The following PLEKHG1 variants were observed in gnomAD, a reference collection of about 807,000 sequenced individuals.
The protein encoded by PLEKHG1 is pleckstrin homology and RhoGEF domain containing G1.
In PLEKHG1, 44 loss-of-function variants were observed where a neutral mutation model predicts 100.8. The ratio of observed to expected loss-of-function variants is 0.44; its 90% CI spans 0.34 to 0.56. The LOEUF is 0.56. Among genes scored for constraint, PLEKHG1 ranks in the 20% least tolerant of loss-of-function variants. The pLI is 0.01. For synonymous variants in PLEKHG1, 640 were observed against 662.5 expected (o/e 0.97, Z 0.52); for missense variants, 1,545 against 1,720.9 (o/e 0.90, Z 1.81).
At chr6:150,775,985 A>G (rs1034514528) in intron 3 of PLEKHG1, among the ~76,000 whole-genome samples, 13 of 152,152 alleles carry the variant, frequency 8.5e-5, no homozygotes, top group African/African-American at 1.7e-4. Context: ...GGCAACGGGA[A>G]AGGGAAGTGC....
chr6:150,652,675 G>T (rs765028524), intron 3 of PLEKHG1, among the ~76,000 whole-genome samples: 1 of 149,062 alleles, frequency 6.7e-6, no homozygotes, highest in African/African-American at 2.5e-5. Context: ...AGCCGAGATC[G>T]CACCATTGCA....
intron 3 of PLEKHG1, among the ~76,000 whole-genome samples, chr6:150,781,465 A>C (rs2128648180): frequency 6.6e-6 from 1 of 151,724 alleles, no homozygotes; most frequent in East Asian, 2.0e-4. Flanking sequence ...AGATCATGCC[A>C]TTGCACTCCA....
rs189613743 is a variant in PLEKHG1 at position 150,706,253 on chromosome 6, C to T, written c.-98-27331C>T. The stretch of plus-strand genomic sequence containing the variant: ...GTTAGCAACCCCTGAGTCTCGCCAG[C>T]GAGCTCAGTATGTCATTCTTTGGGG... On this transcript the variant is annotated intron_variant, in intron 3 of 3. Coordinates refer to the PLEKHG1 transcript ENST00000367326. Among the ~76,000 whole-genome samples the T allele has an allele frequency of 4.2e-3, 633 of 152,240 alleles. 1 individual carries two copies. The highest frequency in any genetic ancestry group is 0.013 in the African/African-American group (546 of 41,552).
intron 11 of PLEKHG1, among the ~76,000 whole-genome samples, chr6:150,819,116 ATTT>A (rs56049606): frequency 6.8e-5 from 9 of 133,046 alleles, no homozygotes; most frequent in Non-Finnish European, 9.7e-5. Context: ...TTGCCTTCGG[ATTT>A]TTTTTTTTTT....
At chr6:150,630,072 A>G (rs1777683792) in intron 1 of PLEKHG1, among the ~76,000 whole-genome samples, 1 of 152,156 alleles carries the variant, frequency 6.6e-6, no homozygotes, top group Non-Finnish European at 1.5e-5. Flanking sequence ...CATTCTTTAT[A>G]TTTGAACGGT....
intron 5 of PLEKHG1, among the ~76,000 whole-genome samples, chr6:150,799,584 C>T (rs1406424311): frequency 1.3e-5 from 2 of 152,198 alleles, no homozygotes; most frequent in African/African-American, 4.8e-5. Flanking sequence ...GGCTACAGAG[C>T]AGCCGATTCT....
rs58786678 is a variant in PLEKHG1 at position 150,840,868 on chromosome 6, A to C, written c.4130A>C (p.Gln1377Pro). 273 of 1,612,042 alleles carry C rather than the reference A, an allele frequency of 1.7e-4. No individual in the cohort carries two copies. In the African/African-American group the frequency reaches 3.3e-3, roughly 20 times the overall value. The change falls in exon 16 of 16, where the codon CAG becomes CCG. Residue 1377 changes from glutamine to proline, a missense_variant. By Grantham distance (76) the Gln-to-Pro change is moderately conservative (BLOSUM62 -1). Coordinates refer to ENST00000358517, the Ensembl canonical transcript of PLEKHG1. ...GTCCAGTCTCTAAGGGAAAAATTTC[A>C]GTGTCTCAGTTCAAGCAGCTTTGCT...
chr6:150,680,143 T>C (rs1779884886), intron 3 of PLEKHG1, among the ~76,000 whole-genome samples: 1 of 152,228 alleles, frequency 6.6e-6, no homozygotes. Context: ...ATTTGAATGA[T>C]CATGGCACTA....
intron 10 of PLEKHG1, among the ~76,000 whole-genome samples, chr6:150,815,714 G>A (rs925524239): frequency 1.3e-5 from 2 of 152,188 alleles, no homozygotes; most frequent in East Asian, 1.9e-4. Context: ...AAACGTGATC[G>A]CCACTTAGCC....
chr6:150,683,588 C>T lies in PLEKHG1; in HGVS notation c.-99+32802C>T, dbSNP rs1780006253. The T allele has an allele frequency of 6.3e-6, 2 of 315,814 alleles. No homozygotes were observed. Among genetic ancestry groups the T allele is most frequent in the Middle Eastern group, 4.2e-4 (1 of 2,360 alleles). 19.6% of individuals were successfully genotyped at this position (315,814 alleles called of 1,614,324 possible). A position where few individuals can be genotyped will look rare whatever the true frequency, so the allele number is the denominator to read the frequency against. On this transcript the variant is annotated intron_variant, in intron 3 of 3. Coordinates refer to the PLEKHG1 transcript ENST00000367326. The surrounding 1 kb of genome is among the most constrained non-coding windows in gnomAD (Gnocchi z 4.0). ...TGACCACTGCTGTTCCCACAGCAGT[C>T]ACGGTCATCACTTAGCTTCCTGTTG...
intron 1 of PLEKHG1, among the ~76,000 whole-genome samples, chr6:150,725,163 G>A (rs1781897511): frequency 6.6e-6 from 1 of 152,164 alleles, no homozygotes; most frequent in Admixed American, 6.5e-5. Flanking sequence ...GTTCCTCCTA[G>A]ATGGTGCCCT....
At chr6:150,810,994 AAAG>A (rs1411156442) in intron 10 of PLEKHG1, among the ~76,000 whole-genome samples, 1 of 152,026 alleles carries the variant, frequency 6.6e-6, no homozygotes, top group East Asian at 1.9e-4. Context: ...TTGGGGCTTA[AAAG>A]AAGATCAAGT....
chr6:150,603,229 C>G (rs1776442272), intron 1 of PLEKHG1, among the ~76,000 whole-genome samples: 1 of 152,018 alleles, frequency 6.6e-6, no homozygotes, highest in Non-Finnish European at 1.5e-5. Flanking sequence ...GGTCTGTAAG[C>G]AACCTCATGC....
At position 150,811,848 on chromosome 6, in the gene PLEKHG1, C is replaced by T. The variant is rs867078431; in HGVS notation, c.1278+2114C>T. ...CAGGCTTTGGAGGAAGGGGAGATGG[C>T]GCAGTCAGTCCTGTGTTCTGAGAGT... is the stretch of plus-strand genomic sequence containing the variant. On this transcript the variant is annotated intron_variant, in intron 10 of 15. Transcript: ENST00000358517. Among the ~76,000 whole-genome samples the T allele has an allele frequency of 7.9e-5, 12 of 152,160 alleles. 1 individual carries two copies. In the Middle Eastern group the frequency reaches 0.017, roughly 216 times the overall value.
At chr6:150,610,740 G>A (rs1582805374) in intron 1 of PLEKHG1, among the ~76,000 whole-genome samples, 1 of 152,190 alleles carries the variant, frequency 6.6e-6, no homozygotes, top group East Asian at 1.9e-4. Flanking sequence ...TTGTTTGAAT[G>A]ATTTTCTGTA....
intron 3 of PLEKHG1, among the ~76,000 whole-genome samples, chr6:150,665,089 A>G (rs528503880): frequency 1.3e-5 from 2 of 152,270 alleles, no homozygotes; most frequent in Non-Finnish European, 2.9e-5. Context: ...ATAGACCAAT[A>G]TAGGTGATCT....
intron 10 of PLEKHG1, 31 bp downstream of exon 11, chr6:150,809,765 GGA>G: frequency 6.6e-7 from 1 of 1,514,828 alleles, no homozygotes; most frequent in Non-Finnish European, 9.2e-7. Flanking sequence ...CAGTGAAATG[GGA>G]GAGAGATACA....
chr6:150,752,435 A>G (rs1275847430), intron 2 of PLEKHG1, among the ~76,000 whole-genome samples: 1 of 152,044 alleles, frequency 6.6e-6, no homozygotes, highest in Non-Finnish European at 1.5e-5. Flanking sequence ...CCTGTTAAAC[A>G]CTGACTCCCC....
intron 3 of PLEKHG1, among the ~76,000 whole-genome samples, chr6:150,779,344 G>GTTTGTTTTGTTTT (rs1257363893): frequency 9.6e-6 from 1 of 104,536 alleles, no homozygotes. Context: ...TTGTCAAGAA[G>GTTTGTTTTGTTTT]TTTTTTTTTT....
Sources: allele counts gnomAD v4.1 joint callset (sites outside exome capture counted in the v4.1 genomes callset), GRCh38; gene constraint gnomAD v4.1.1; non-coding constraint Gnocchi (gnomAD v3.1); transcripts MANE v1.5; gene names NCBI Gene and HGNC (gene_info 2026-07-23, HGNC 2026-07-21).